FAAP100: variants seen among roughly 807,000 people sequenced by gnomAD.
FAAP100 encodes the protein FA core complex associated protein 100.
A neutral mutation model predicts 65.8 loss-of-function variants in FAAP100; 46 were observed. That is an observed-to-expected ratio of 0.70 (90% CI 0.55 to 0.89). The LOEUF is 0.89. Among genes scored for constraint, FAAP100 ranks in the 40% least tolerant of loss-of-function variants. The probability of loss-of-function intolerance (pLI) is 0.00; values close to 1 mark genes in which losing one functional copy is unlikely to be tolerated. For missense variants in FAAP100, 1,165 were observed against 1,196.7 expected, an observed-to-expected ratio of 0.97 and a Z score of 0.39; for synonymous variants, 663 against 555.1, an observed-to-expected ratio of 1.19 and a Z score of -2.73.
rs2033051783 is a variant in FAAP100 at position 81,540,602 on chromosome 17, A to C, written c.*217T>G. On this transcript the variant is annotated 3_prime_UTR_variant, in exon 9 of 9. Coordinates refer to ENST00000327787, the MANE Select transcript of FAAP100 (RefSeq NM_025161.6). ...CAGAGGACGCGAAGCTGGACCGGCC[A>C]GGTTCAGAGCCCGCCTCGGTTGCTC... The C allele has an allele frequency of 3.5e-6, 2 of 578,690 alleles. No individual in the cohort carries two copies. The allele number at this position is 578,690 out of a possible 1,614,324, so 35.8% of individuals were successfully genotyped here. A position where few individuals can be genotyped will look rare whatever the true frequency, so the allele number is the denominator to read the frequency against.
At chr17:81,541,509 C>A in intron 7 of FAAP100, 114 bp from the exon 8 acceptor site, 1 of 838,072 alleles carries the variant, frequency 1.2e-6, no homozygotes, top group South Asian at 1.4e-5. Flanking sequence ...CCCTGCCTGG[C>A]ACCCCTCCCC....
chr17:81,540,732 G>C lies in FAAP100; in HGVS notation c.*87C>G, dbSNP rs899574164. 3 of 1,405,144 alleles carry C rather than the reference G, an allele frequency of 2.1e-6. No homozygotes were observed. Among genetic ancestry groups the C allele is most frequent in the African/African-American group, 2.9e-5 (2 of 69,138 alleles). The allele number at this position is 1,405,144 out of a possible 1,614,324, so 87.0% of individuals were successfully genotyped here. A position where few individuals can be genotyped will look rare whatever the true frequency, so the allele number is the denominator to read the frequency against. On this transcript the variant is annotated 3_prime_UTR_variant, in exon 9 of 9. Coordinates refer to ENST00000327787, the MANE Select transcript of FAAP100 (RefSeq NM_025161.6). ...TTCCCTGACGGCTCTGGCCAGGCCA[G>C]CTCGGTTTCCCTCTAACCCATGAGG...
Position 81,550,812 on chromosome 17 carries a change from G to A in FAAP100, c.682C>T (p.Leu228Phe). ...FTLEDALFGLLFGADATLLQS... is the reference protein window; with the variant it reads ...FTLEDALFGLFFGADATLLQS... ...AGGAGGGTGGCATCAGCTCCAAAGA[G>A]GAGCCCGAAGAGGGCGTCCTCCAGC... The change falls in exon 3 of 9, where the codon CTC becomes TTC. Residue 228 changes from leucine (L) to phenylalanine (F), a missense_variant. Leu to Phe is a conservative substitution (Grantham distance 22, BLOSUM62 0). Transcript: ENST00000327787. The A allele has an allele frequency of 6.2e-7, 1 of 1,612,628 alleles. No homozygotes were observed. Among genetic ancestry groups the A allele is most frequent in the Non-Finnish European group, 8.5e-7 (1 of 1,179,828 alleles).
chr17:81,541,686 G>A (rs1416267161), intron 7 of FAAP100, among the ~76,000 whole-genome samples: 1 of 152,220 alleles, frequency 6.6e-6, no homozygotes, highest in East Asian at 1.9e-4. Flanking sequence ...CACACTCTGT[G>A]CAGATCCAGA....
Position 81,547,649 on chromosome 17 carries a change from T to C in FAAP100, c.1433A>G (p.Gln478Arg), listed in dbSNP as rs149253459. 4,120 of 1,611,056 alleles carry C rather than the reference T, an allele frequency of 2.6e-3. 7 individuals carry two copies. Among genetic ancestry groups the C allele is most frequent in the Non-Finnish European group, 3.0e-3 (3,568 of 1,178,202 alleles). ...RVSFLKKAVD[Q>R]RNKALTSLNE... Reference sequence around the variant, plus strand: ...GAGGCTTGTCAGTGCCTTGTTCCGCTGGTCAACCGCCTTCTTTAGAAAAGA... The same window carrying C: ...GAGGCTTGTCAGTGCCTTGTTCCGCCGGTCAACCGCCTTCTTTAGAAAAGA... Residue 478 changes from glutamine to arginine, a missense_variant, in exon 5 of 9, where the codon CAG becomes CGG. Physicochemically the swap from Gln to Arg is conservative, Grantham distance 43. Coordinates refer to ENST00000327787, the MANE Select transcript of FAAP100 (RefSeq NM_025161.6).
In FAAP100 at chr17:81,541,393, C is replaced by T. The variant is rs375527021; in HGVS notation, c.2430G>A (p.Thr810=). 45 of 1,605,310 alleles carry T rather than the reference C, an allele frequency of 2.8e-5. No homozygotes were observed. In the South Asian group the frequency reaches 3.4e-4, roughly 12 times the overall value. Residue 810 remains threonine (T), a splice_region_variant and synonymous_variant, in exon 8 of 9, where the codon ACG becomes ACA. Coordinates refer to ENST00000327787, the MANE Select transcript of FAAP100 (RefSeq NM_025161.6). The stretch of plus-strand genomic sequence containing the variant: ...CCTGGGTGGCCTGCTCTGTCACCAT[C>T]GTCTGGGGGACACAGGAGACATGCT... ...AHHAVVGRMQ[T]MVTEQATQGS...
intron 8 of FAAP100, 28 bp from the exon 9 acceptor site, chr17:81,540,978 C>T (rs111467214): frequency 6.5e-7 from 1 of 1,547,498 alleles, no homozygotes; most frequent in South Asian, 1.2e-5. Context: ...ACAGCTCAGG[C>T]CCCCCACCTG....
chr17:81,546,669 TG>T, intron 5 of FAAP100: 1 of 398,164 alleles, frequency 2.5e-6, no homozygotes, highest in East Asian at 3.7e-5. Flanking sequence ...CAGGAGCAGC[TG>T]GGAGAGGGAG....
Position 81,545,881 on chromosome 17 carries a change from G to A in FAAP100, c.2175C>T (p.Gly725=), listed in dbSNP as rs758795190. The A allele has an allele frequency of 3.1e-5, 49 of 1,604,810 alleles. No homozygotes were observed. The highest frequency in any genetic ancestry group is 2.6e-4 in the South Asian group (24 of 91,002). The change falls in exon 6 of 9, where the codon GGC becomes GGT. Residue 725 remains glycine (G), a splice_region_variant and synonymous_variant. Coordinates refer to ENST00000327787, the MANE Select transcript of FAAP100 (RefSeq NM_025161.6). The stretch of plus-strand genomic sequence containing the variant: ...GCAGGGTGGCACAGCACAGGGGCAC[G>A]CCTGGAGGGGAGGCATCAGCCGAGA... ...LRAALKDGHS[G]VPLCCATLQW...
chr17:81,549,819 C>T (rs1355851264), intron 3 of FAAP100, among the ~76,000 whole-genome samples: 1 of 152,216 alleles, frequency 6.6e-6, no homozygotes, highest in Non-Finnish European at 1.5e-5. Context: ...TGCCATCTGC[C>T]TTTGGTCCAG....
At chr17:81,543,971 A>G (rs1453907751) in intron 7 of FAAP100, 33 bp downstream of exon 7, 2 of 1,581,830 alleles carry the variant, frequency 1.3e-6, no homozygotes, top group African/African-American at 2.7e-5. Flanking sequence ...CGACCCACAG[A>G]TCCTGGCCAC....
Position 81,540,704 on chromosome 17 carries a change from A to G in FAAP100, c.*115T>C, listed in dbSNP as rs940038576. 11 of 1,330,856 alleles carry G rather than the reference A, an allele frequency of 8.3e-6. No homozygotes were observed. Among genetic ancestry groups the G allele is most frequent in the Non-Finnish European group, 9.8e-6 (10 of 1,018,498 alleles). 82.4% of individuals were successfully genotyped at this position (1,330,856 alleles called of 1,614,324 possible). On this transcript the variant is annotated 3_prime_UTR_variant, in exon 9 of 9. Transcript: ENST00000327787. ...TTCTGCTCCTACGTGGCCAGGTCCT[A>G]CCTTCCCTGACGGCTCTGGCCAGGC...
chr17:81,543,949 G>T (rs879054527), intron 7 of FAAP100, 55 bp downstream of exon 7: 1 of 1,507,948 alleles, frequency 6.6e-7, no homozygotes. Context: ...CCCATGCAGG[G>T]ACCTTAGTGA....
At chr17:81,551,448 CCAGGCTGCAAAGTGCA>C (rs1168810792) in intron 2 of FAAP100, among the ~76,000 whole-genome samples, 1 of 152,230 alleles carries the variant, frequency 6.6e-6, no homozygotes, top group Non-Finnish European at 1.5e-5. Flanking sequence ...AGGCTGAGGC[CCAGGCTGCAAAGTGCA>C]CAGGCTGCCC....
intron 5 of FAAP100, 77 bp from the exon 6 acceptor site, chr17:81,545,959 T>C: frequency 6.7e-7 from 1 of 1,500,844 alleles, no homozygotes; most frequent in Non-Finnish European, 8.9e-7. Context: ...GGTGGGCATC[T>C]GCATACCTGC....
chr17:81,540,163 A>G lies in FAAP100; in HGVS notation c.*656T>C. 1 of 398,744 alleles carries G rather than the reference A, an allele frequency of 2.5e-6. No homozygotes were observed. The highest frequency in any genetic ancestry group is 4.4e-6 in the Non-Finnish European group (1 of 226,092). The allele number at this position is 398,744 out of a possible 1,614,324, so 24.7% of individuals were successfully genotyped here. ...CCCGGCTGGAGGCACCTAGTTGTTGAGCATTCCGGCCACAGGCCACCCGCT... is the reference window on the plus strand; with the variant it reads ...CCCGGCTGGAGGCACCTAGTTGTTGGGCATTCCGGCCACAGGCCACCCGCT... On this transcript the variant is annotated 3_prime_UTR_variant, in exon 9 of 9. Coordinates refer to ENST00000327787, the MANE Select transcript of FAAP100 (RefSeq NM_025161.6).
intron 7 of FAAP100, 59 bp downstream of exon 7, chr17:81,543,945 C>T: frequency 1.4e-6 from 2 of 1,471,168 alleles, no homozygotes; most frequent in South Asian, 1.2e-5. Context: ...GGGTCCCATG[C>T]AGGGACCTTA....
chr17:81,552,363 C>G (rs895832222), upstream of FAAP100: 32 of 1,312,068 alleles, frequency 2.4e-5, no homozygotes, highest in Non-Finnish European at 3.1e-5. Flanking sequence ...TGAGAAGCCC[C>G]GGCCGCGCGG....
chr17:81,551,171 T>C lies in FAAP100; in HGVS notation c.323A>G (p.Asp108Gly). Residue 108 changes from aspartate (D) to glycine (G), a missense_variant, in exon 3 of 9, where the codon GAC becomes GGC. Asp to Gly is a moderately conservative substitution (Grantham distance 94). Transcript: ENST00000327787. ...GATCACGGGGGAAGGCTGGTCACCG[T>C]CCTCGCTGTCCCTGTCATCCTGGCT... ...STSQDDRDSE[D>G]GDQPSPVIPV... 1 of 1,535,510 alleles carries C rather than the reference T, an allele frequency of 6.5e-7. No individual in the cohort carries two copies. The highest frequency in any genetic ancestry group is 8.8e-7 in the Non-Finnish European group (1 of 1,136,310).
Sources: allele counts gnomAD v4.1 joint callset (sites outside exome capture counted in the v4.1 genomes callset), GRCh38; gene constraint gnomAD v4.1.1; transcripts MANE v1.5; gene names NCBI Gene and HGNC (gene_info 2026-07-23, HGNC 2026-07-21).